The following ZC3H13 variants were observed in gnomAD, a reference collection of about 807,000 sequenced individuals.
ZC3H13 encodes the protein zinc finger CCCH domain-containing protein 13.
In ZC3H13, 64 loss-of-function variants were observed where a neutral mutation model predicts 204.1. The ratio of observed to expected loss-of-function variants is 0.31; its 90% CI spans 0.26 to 0.39. The LOEUF (loss-of-function observed/expected upper bound fraction) is 0.39. Ranked by LOEUF, ZC3H13 falls within the 10% of genes least tolerant of loss-of-function variation. The pLI is 1.00. For missense variants in ZC3H13, 1,833 were observed against 2,082.7 expected (o/e 0.88, Z 2.33); for synonymous variants, 667 against 693.7 (o/e 0.96, Z 0.60).
chr13:45,988,180 G>T (rs1402268909), intron 9 of ZC3H13, among the ~76,000 whole-genome samples: 1 of 152,110 alleles, frequency 6.6e-6, no homozygotes, highest in Non-Finnish European at 1.5e-5. Flanking sequence ...GATTGAAAAG[G>T]ATGCTCTAAG....
In ZC3H13 at chr13:45,957,122, C is replaced by T. The variant is rs552317110; in HGVS notation, c.*5G>A. ...GTACCAAAAATACCATATTGAACTTCGGTCTTAAGACACACACAGTTCCTG... is the reference window on the plus strand; with the variant it reads ...GTACCAAAAATACCATATTGAACTTTGGTCTTAAGACACACACAGTTCCTG... On this transcript the variant is annotated 3_prime_UTR_variant, in exon 19 of 19. Transcript: ENST00000679008. 6.4e-5 allele frequency: 95 copies of T among 1,479,988 alleles called. No homozygotes were observed. Among genetic ancestry groups the T allele is most frequent in the Admixed American group, 1.1e-4 (5 of 44,634 alleles). The allele number at this position is 1,479,988 out of a possible 1,614,324, so 91.7% of individuals were successfully genotyped here.
intron 9 of ZC3H13, among the ~76,000 whole-genome samples, chr13:45,987,736 A>T (rs530995493): frequency 6.6e-6 from 1 of 152,224 alleles, no homozygotes; most frequent in African/African-American, 2.4e-5. Flanking sequence ...CTTAAAGTGC[A>T]TATTAAATAT....
chr13:45,984,187 T>A (rs1953966578), intron 10 of ZC3H13, among the ~76,000 whole-genome samples: 1 of 152,252 alleles, frequency 6.6e-6, no homozygotes, highest in Non-Finnish European at 1.5e-5. Context: ...TACATAGTTT[T>A]TTCCAGTGTT....
intron 4 of ZC3H13, among the ~76,000 whole-genome samples, chr13:46,031,264 T>C (rs112133630): frequency 2.6e-5 from 4 of 151,928 alleles, no homozygotes; most frequent in South Asian, 2.1e-4. Flanking sequence ...AATCTAGACA[T>C]AGACCTCACA....
chr13:46,024,816 T>G (rs1469002044), intron 4 of ZC3H13, among the ~76,000 whole-genome samples: 2 of 152,164 alleles, frequency 1.3e-5, no homozygotes, highest in Non-Finnish European at 1.5e-5. Flanking sequence ...GTCAATACTT[T>G]CCATAACTTC....
At chr13:45,974,015 G>A (rs1279225616) in intron 12 of ZC3H13, among the ~76,000 whole-genome samples, 2 of 152,192 alleles carry the variant, frequency 1.3e-5, no homozygotes, top group African/African-American at 2.4e-5. Flanking sequence ...TAGTGAGGAT[G>A]AAAAAAGCCT....
At chr13:45,961,803 T>G (rs1299636023) in intron 17 of ZC3H13, among the ~76,000 whole-genome samples, 1 of 152,034 alleles carries the variant, frequency 6.6e-6, no homozygotes, top group African/African-American at 2.4e-5. Context: ...ACATGATTAT[T>G]AACCCACTGC....
intron 7 of ZC3H13, among the ~76,000 whole-genome samples, chr13:46,006,050 A>T (rs1245075794): frequency 6.6e-6 from 1 of 150,478 alleles, no homozygotes; most frequent in Admixed American, 6.6e-5. Context: ...AGCTGACTGC[A>T]CACCAGCCTG....
chr13:45,963,855 T>C lies in ZC3H13; in HGVS notation c.4662A>G (p.Leu1554=). 1 of 1,614,076 alleles carries C rather than the reference T, an allele frequency of 6.2e-7. No homozygotes were observed. The highest frequency in any genetic ancestry group is 2.2e-5 in the East Asian group (1 of 44,874). The change falls in exon 17 of 19, where the codon TTA becomes TTG. Residue 1554 remains leucine, a synonymous_variant. Coordinates refer to ENST00000679008, the MANE Select transcript of ZC3H13 (RefSeq NM_001330564.2). ...AKVKETCQRL[L]EKPKDADNLF... ...AAATGAAACTACCTTTGGGTTTTTCTAAAAGTCTCTGACATGTTTCTTTGA... is the reference window on the plus strand; with the variant it reads ...AAATGAAACTACCTTTGGGTTTTTCCAAAAGTCTCTGACATGTTTCTTTGA...
chr13:46,001,904 C>T (rs1566251994), intron 8 of ZC3H13, among the ~76,000 whole-genome samples: 1 of 150,488 alleles, frequency 6.6e-6, no homozygotes, highest in Non-Finnish European at 1.5e-5. Flanking sequence ...CTGAAGTCTT[C>T]AGTTAACTGT....
intron 9 of ZC3H13, among the ~76,000 whole-genome samples, chr13:45,986,339 T>C (rs1166414756): frequency 6.6e-6 from 1 of 152,208 alleles, no homozygotes; most frequent in Non-Finnish European, 1.5e-5. Context: ...GTACCTACAG[T>C]GCCAGCTACT....
chr13:46,009,331 T>C (rs746481510), intron 7 of ZC3H13, among the ~76,000 whole-genome samples: 3 of 152,180 alleles, frequency 2.0e-5, no homozygotes, highest in Non-Finnish European at 2.9e-5. Context: ...ATAAATTAAT[T>C]GGAATTGTCC....
At chr13:45,985,260 T>C (rs771512336) in intron 10 of ZC3H13, 37 bp downstream of exon 10, 3 of 1,514,904 alleles carry the variant, frequency 2.0e-6, no homozygotes, top group East Asian at 4.5e-5. Flanking sequence ...ATACTTTCTA[T>C]ATAAGATATA....
chr13:45,970,519 A>AT (rs958672923), intron 12 of ZC3H13, 54 bp from the exon 13 acceptor site: 75 of 1,538,740 alleles, frequency 4.9e-5, no homozygotes, highest in Non-Finnish European at 6.1e-5. Context: ...AAAAAAAGAG[A>AT]TTTTTTTGTT....
chr13:46,030,927 T>C (rs890130536), intron 4 of ZC3H13, among the ~76,000 whole-genome samples: 3 of 152,290 alleles, frequency 2.0e-5, no homozygotes, highest in South Asian at 4.1e-4. Context: ...GCAAGTTACT[T>C]TGTAGATACT....
At chr13:45,988,238 G>A (rs564564160) in intron 9 of ZC3H13, among the ~76,000 whole-genome samples, 9 of 152,182 alleles carry the variant, frequency 5.9e-5, no homozygotes, top group Non-Finnish European at 1.0e-4. Flanking sequence ...TTACTCAGCA[G>A]AACATCTTTT....
chr13:46,031,816 A>G (rs2042916671), intron 4 of ZC3H13, among the ~76,000 whole-genome samples: 1 of 152,338 alleles, frequency 6.6e-6, no homozygotes, highest in East Asian at 1.9e-4. Context: ...AAACTCACTC[A>G]TTGCTGGTGG....
intron 4 of ZC3H13, among the ~76,000 whole-genome samples, chr13:46,037,180 T>C (rs183636050): frequency 6.6e-6 from 1 of 151,970 alleles, no homozygotes; most frequent in Admixed American, 6.6e-5. Flanking sequence ...CATCAAAAAA[T>C]TGTTAAAATA....
In ZC3H13 at chr13:46,011,432, TTTC is replaced by T; in HGVS notation, c.568_570del (p.Glu190del). The T allele has an allele frequency of 6.2e-7, 1 of 1,605,250 alleles. No individual in the cohort carries two copies. Among genetic ancestry groups the T allele is most frequent in the Non-Finnish European group, 8.5e-7 (1 of 1,176,864 alleles). ...TAGCATACCTCCTTTTTAATGATAA[TTTC>T]TTCTCTCTTCTCCATGTTTTCTTGT... is the stretch of plus-strand genomic sequence containing the variant. On this transcript the variant is annotated inframe_deletion, in exon 6 of 19. Coordinates refer to ENST00000679008, the MANE Select transcript of ZC3H13 (RefSeq NM_001330564.2).
Sources: gnomAD v4.1 joint callset for allele counts (sites outside exome capture counted in the v4.1 genomes callset) on GRCh38, gnomAD v4.1.1 for gene constraint, MANE v1.5 for transcripts, NCBI Gene and HGNC (gene_info 2026-07-23, HGNC 2026-07-21) for gene names.